CDK7: variants seen among roughly 807,000 people sequenced by gnomAD.
The protein encoded by CDK7 is cyclin-dependent kinase 7.
Under a neutral mutation model 49.1 loss-of-function variants are expected in CDK7, and 25 were observed. The observed-to-expected ratio is 0.51, with a 90% CI of 0.37 to 0.71. CDK7 has a LOEUF of 0.71. Among genes scored for constraint, CDK7 ranks in the 30% least tolerant of loss-of-function variants. CDK7 has a pLI of 0.00. For synonymous variants in CDK7, 107 were observed against 140.0 expected, an observed-to-expected ratio of 0.76 and a Z score of 1.67; for missense variants, 316 against 411.7, an observed-to-expected ratio of 0.77 and a Z score of 2.01.
intron 6 of CDK7, among the ~76,000 whole-genome samples, chr5:69,258,730 A>G (rs1258201623): frequency 2.0e-5 from 3 of 151,920 alleles, no homozygotes; most frequent in Non-Finnish European, 4.4e-5. Flanking sequence ...TGACCTGACC[A>G]TGGTTATATT....
intron 4 of CDK7, among the ~76,000 whole-genome samples, chr5:69,255,105 A>G (rs921761618): frequency 2.0e-5 from 3 of 152,060 alleles, no homozygotes; most frequent in Admixed American, 6.6e-5. Context: ...CATTCATTCA[A>G]TGATAGCTGC....
chr5:69,271,105 G>T (rs957829815), intron 9 of CDK7, among the ~76,000 whole-genome samples: 1 of 152,182 alleles, frequency 6.6e-6, no homozygotes, highest in Non-Finnish European at 1.5e-5. Flanking sequence ...GAATGCTCCA[G>T]TTTCTTGGAA....
chr5:69,261,537 GTGTTT>G (rs1750826248), intron 7 of CDK7, among the ~76,000 whole-genome samples: 1 of 99,688 alleles, frequency 1.0e-5, no homozygotes, highest in African/African-American at 3.1e-5. Flanking sequence ...TGTGTGTGTG[GTGTTT>G]TGTTTTGAGA....
chr5:69,272,485 T>C (rs953195645), intron 9 of CDK7, among the ~76,000 whole-genome samples: 1 of 152,196 alleles, frequency 6.6e-6, no homozygotes, highest in African/African-American at 2.4e-5. Flanking sequence ...ATAATTAACA[T>C]CCTTCCTCTG....
intron 8 of CDK7, among the ~76,000 whole-genome samples, chr5:69,263,180 G>A (rs1471044010): frequency 6.6e-6 from 1 of 152,162 alleles, no homozygotes; most frequent in Non-Finnish European, 1.5e-5. Context: ...TAGCTATGAA[G>A]TTTAGATCTC....
Position 69,234,994 on chromosome 5 carries a change from T to G in CDK7, c.19T>G (p.Ser7Ala). 1 of 1,601,072 alleles carries G rather than the reference T, an allele frequency of 6.2e-7. No individual in the cohort carries two copies. Among genetic ancestry groups the G allele is most frequent in the Non-Finnish European group, 8.5e-7 (1 of 1,174,296 alleles). Reference protein sequence around the residue: MALDVKSRAKRYEKLDF... With the variant: MALDVKARAKRYEKLDF... ...GCGCCGGATGGCTCTGGACGTGAAG[T>G]CTCGGGCAAAGCGTTATGAGAAGCT... The change falls in exon 1 of 12, where the codon TCT becomes GCT. Residue 7 changes from serine (S) to alanine (A), a missense_variant. Ser to Ala is a moderately conservative substitution (Grantham distance 99). Transcript: ENST00000256443.
chr5:69,271,442 TGATC>T (rs1028694393), intron 9 of CDK7, among the ~76,000 whole-genome samples: 1 of 152,148 alleles, frequency 6.6e-6, no homozygotes, highest in African/African-American at 2.4e-5. Context: ...TTTCTTTAAT[TGATC>T]ATCCTTTTGG....
chr5:69,269,132 C>CG (rs1751357006), intron 8 of CDK7, 75 bp from the exon 9 acceptor site: 9 of 890,846 alleles, frequency 1.0e-5, no homozygotes, highest in Non-Finnish European at 1.6e-5. Flanking sequence ...GAGCGAGACT[C>CG]TGTCTCTCTA....
At chr5:69,257,399 G>A (rs2150209225) in intron 5 of CDK7, among the ~76,000 whole-genome samples, 1 of 152,276 alleles carries the variant, frequency 6.6e-6, no homozygotes, top group Middle Eastern at 3.4e-3. Flanking sequence ...ATTAGGCACA[G>A]CTCATAAATA....
At position 69,262,236 on chromosome 5, in the gene CDK7, G is replaced by A. The variant is rs1223831107; in HGVS notation, c.559G>A (p.Ala187Thr). Reference protein sequence around the residue: ...WYRAPELLFGARMYGVGVDMW... With the variant: ...WYRAPELLFGTRMYGVGVDMW... Reference sequence around the variant, plus strand: ...TCGGGCCCCCGAGTTACTATTTGGAGCTAGGATGTATGGTGTAGGTGTGGA... The same window carrying A: ...TCGGGCCCCCGAGTTACTATTTGGAACTAGGATGTATGGTGTAGGTGTGGA... The change falls in exon 8 of 12, where the codon GCT becomes ACT. Residue 187 changes from alanine (A) to threonine (T), a missense_variant. Physicochemically the swap from Ala to Thr is moderately conservative, Grantham distance 58. Transcript: ENST00000256443. 1.7e-5 allele frequency: 27 copies of A among 1,613,918 alleles called. No homozygotes were observed. Among genetic ancestry groups the A allele is most frequent in the Non-Finnish European group, 2.3e-5 (27 of 1,180,032 alleles).
chr5:69,256,342 T>G (rs768466576), intron 5 of CDK7, among the ~76,000 whole-genome samples: 3 of 152,074 alleles, frequency 2.0e-5, no homozygotes, highest in Non-Finnish European at 4.4e-5. Flanking sequence ...CAAGTTTTTT[T>G]GTTTGTTTTT....
At position 69,268,538 on chromosome 5, in the gene CDK7, A is replaced by G. The variant is rs575133652; in HGVS notation, c.628-669A>G. On this transcript the variant is annotated intron_variant, in intron 8 of 11. Coordinates refer to ENST00000256443, the MANE Select transcript of CDK7 (RefSeq NM_001799.4). ...AAGTTTTTCTTATTAAATTTATAGT[A>G]TTTGTCTAACAGGTATCAAAAACCA... 3.6e-4 allele frequency among the ~76,000 whole-genome samples: 55 copies of G among 152,290 alleles called. 1 individual carries two copies. Among genetic ancestry groups the G allele is most frequent in the African/African-American group, 1.2e-3 (49 of 41,572 alleles).
chr5:69,267,150 T>C (rs1751208431), intron 8 of CDK7, among the ~76,000 whole-genome samples: 1 of 152,154 alleles, frequency 6.6e-6, no homozygotes, highest in South Asian at 2.1e-4. Context: ...AATGAGCCTC[T>C]ATCTATACTC....
At chr5:69,245,352 A>C (rs1254101010) in intron 2 of CDK7, among the ~76,000 whole-genome samples, 4 of 97,330 alleles carry the variant, frequency 4.1e-5, no homozygotes, top group Non-Finnish European at 7.9e-5. Flanking sequence ...TTATTTTTTT[A>C]ATTTTTTTTT....
chr5:69,261,488 CTCTGTGTGTGTGTGTG>C (rs1376247101), intron 7 of CDK7, among the ~76,000 whole-genome samples: 1 of 120,262 alleles, frequency 8.3e-6, no homozygotes, highest in African/African-American at 3.0e-5. Context: ...TGAAAAGGTT[CTCTGTGTGTGTGTGTG>C]TGTGTGTGTG....
chr5:69,261,060 C>T (rs1332836473), intron 7 of CDK7, among the ~76,000 whole-genome samples: 8 of 152,118 alleles, frequency 5.3e-5, no homozygotes, highest in Non-Finnish European at 5.9e-5. Context: ...TCAAGCGATC[C>T]TCCCACCTCA....
At chr5:69,237,382 C>G (rs1749071504) in intron 2 of CDK7, among the ~76,000 whole-genome samples, 1 of 152,150 alleles carries the variant, frequency 6.6e-6, no homozygotes, top group African/African-American at 2.4e-5. Flanking sequence ...TGCATTTGGT[C>G]TGGCTTCTTG....
intron 8 of CDK7, among the ~76,000 whole-genome samples, chr5:69,264,291 GA>G (rs1328034062): frequency 6.6e-6 from 1 of 152,090 alleles, no homozygotes; most frequent in Non-Finnish European, 1.5e-5. Context: ...AGAGACACTT[GA>G]ACTATTAAAA....
chr5:69,236,979 T>TA (rs1554061342), intron 2 of CDK7, among the ~76,000 whole-genome samples: 30 of 133,230 alleles, frequency 2.3e-4, no homozygotes, highest in Non-Finnish European at 2.9e-4. Flanking sequence ...TTTTTTTTTT[T>TA]AACTTTTTTA....
Sources: allele counts gnomAD v4.1 joint callset (sites outside exome capture counted in the v4.1 genomes callset), GRCh38; gene constraint gnomAD v4.1.1; transcripts MANE v1.5; gene names NCBI Gene and HGNC (gene_info 2026-07-23, HGNC 2026-07-21).